The following MTSS1 variants were observed in gnomAD, a reference collection of about 807,000 sequenced individuals.
The protein encoded by MTSS1 is MTSS I-BAR domain containing 1.
Under a neutral mutation model 79.0 loss-of-function variants are expected in MTSS1, and 18 were observed. The observed-to-expected ratio is 0.23, with a 90% CI of 0.16 to 0.34. MTSS1 has a LOEUF of 0.34. Among genes scored for constraint, MTSS1 ranks in the 10% least tolerant of loss-of-function variants. MTSS1 has a pLI of 1.00. For synonymous variants in MTSS1, 341 were observed against 368.6 expected (o/e 0.93, Z 0.86); for missense variants, 815 against 986.2 (o/e 0.83, Z 2.33).
intron 1 of MTSS1, among the ~76,000 whole-genome samples, chr8:124,707,993 G>T (rs931300281): frequency 6.6e-6 from 1 of 152,180 alleles, no homozygotes; most frequent in Admixed American, 6.5e-5. Context: ...TGCCAGTCAT[G>T]GACTAGGGGA....
Position 124,553,745 on chromosome 8 carries a change from ATTC to A in MTSS1, c.1568-56_1568-54del, listed in dbSNP as rs1160517415. 11 of 1,509,644 alleles carry A rather than the reference ATTC, an allele frequency of 7.3e-6. No homozygotes were observed. Among genetic ancestry groups the A allele is most frequent in the African/African-American group, 1.4e-5 (1 of 73,036 alleles). 93.5% of individuals were successfully genotyped at this position (1,509,644 alleles called of 1,614,324 possible). ...TCAAGACAGCAGCTGTGCTTTTTTGATTCTTCTGGGCTGGGAGGACAAAAGGCA... is the reference window on the plus strand; with the variant it reads ...TCAAGACAGCAGCTGTGCTTTTTTGATTCTGGGCTGGGAGGACAAAAGGCA... On this transcript the variant is annotated intron_variant, in intron 13 of 13. Transcript: ENST00000518547. The surrounding 1 kb of genome is among the most constrained non-coding windows in gnomAD (Gnocchi z 6.0).
Position 124,582,546 on chromosome 8 carries a change from G to T in MTSS1, c.460+2541C>A, listed in dbSNP as rs1830219691. The stretch of plus-strand genomic sequence containing the variant: ...TTTGAAAAAGGCATGGCAGGAAGCT[G>T]CTTGAGAATCTCCTGGAAACATATT... On this transcript the variant is annotated intron_variant, in intron 6 of 13. Coordinates refer to ENST00000518547, the MANE Select transcript of MTSS1 (RefSeq NM_014751.6). This position sits in a 1 kb window ranked among gnomAD's most constrained non-coding sequence, Gnocchi z 4.8. Among the ~76,000 whole-genome samples the T allele has an allele frequency of 6.6e-6, 1 of 151,990 alleles. No individual in the cohort carries two copies. The highest frequency in any genetic ancestry group is 1.5e-5 in the Non-Finnish European group (1 of 68,016).
At chr8:124,646,310 T>C (rs1467179733) in intron 3 of MTSS1, among the ~76,000 whole-genome samples, 2 of 152,234 alleles carry the variant, frequency 1.3e-5, no homozygotes, top group East Asian at 1.9e-4. Context: ...CGGGAGAACA[T>C]GTAATAATGA....
chr8:124,555,592 C>T, intron 13 of MTSS1, 150 bp downstream of exon 13: 2 of 1,025,222 alleles, frequency 2.0e-6, no homozygotes, highest in East Asian at 2.6e-5. Flanking sequence ...TACAGATGAG[C>T]TCCCCAAAGC....
rs1357924959 is a variant in MTSS1, at chr8:124,582,843, TTG to T, written c.460+2242_460+2243del. 6.6e-6 allele frequency among the ~76,000 whole-genome samples: 1 copy of T among 152,006 alleles called. No homozygotes were observed. The highest frequency in any genetic ancestry group is 1.5e-5 in the Non-Finnish European group (1 of 67,996). On this transcript the variant is annotated intron_variant, in intron 6 of 13. Coordinates refer to ENST00000518547, the MANE Select transcript of MTSS1 (RefSeq NM_014751.6). This position sits in a 1 kb window ranked among gnomAD's most constrained non-coding sequence, Gnocchi z 4.8. ...AGATTTCTTCCAGCCCTTAAGTGAGTTGTGTTTTCTTCAGTCCATTCTCAGCC... is the reference window on the plus strand; with the variant it reads ...AGATTTCTTCCAGCCCTTAAGTGAGTTGTTTTCTTCAGTCCATTCTCAGCC...
intron 3 of MTSS1, among the ~76,000 whole-genome samples, chr8:124,655,138 G>A (rs569778255): frequency 6.6e-5 from 10 of 152,338 alleles, no homozygotes; most frequent in African/African-American, 2.2e-4. Context: ...TTTGATAACT[G>A]CAGATGCCCT....
chr8:124,594,641 C>G (rs1319702475), intron 3 of MTSS1, among the ~76,000 whole-genome samples: 1 of 152,176 alleles, frequency 6.6e-6, no homozygotes, highest in African/African-American at 2.4e-5. Context: ...GAACAGGAAG[C>G]CCTAGAGAGG....
intron 3 of MTSS1, among the ~76,000 whole-genome samples, chr8:124,624,333 A>T (rs1454839595): frequency 6.6e-6 from 1 of 152,212 alleles, no homozygotes; most frequent in Non-Finnish European, 1.5e-5. Flanking sequence ...TGAGCAGGGA[A>T]GGGACGTTTT....
chr8:124,699,067 T>A (rs1829321739), intron 3 of MTSS1: 1 of 165,536 alleles, frequency 6.0e-6, no homozygotes, highest in African/African-American at 2.4e-5. Context: ...GAGGGACGCA[T>A]AAATAGATAC....
chr8:124,722,401 G>T (rs376703004), intron 1 of MTSS1, among the ~76,000 whole-genome samples: 2 of 152,230 alleles, frequency 1.3e-5, no homozygotes, highest in Non-Finnish European at 1.5e-5. Flanking sequence ...ACTTCCAGGT[G>T]TTGAGACGGG....
chr8:124,601,072 T>C (rs1019128493), intron 3 of MTSS1, among the ~76,000 whole-genome samples: 11 of 147,052 alleles, frequency 7.5e-5, no homozygotes, highest in Non-Finnish European at 1.5e-4. Context: ...ATTTTTTTTT[T>C]TTTTTTTTTT....
chr8:124,710,517 C>T (rs944120764), intron 1 of MTSS1, among the ~76,000 whole-genome samples: 4 of 152,220 alleles, frequency 2.6e-5, no homozygotes, highest in Admixed American at 2.0e-4. Context: ...TCTTCCTCCT[C>T]TTCCTCCACT....
intron 11 of MTSS1, 85 bp downstream of exon 11, chr8:124,557,596 G>A (rs1005773685): frequency 2.3e-6 from 3 of 1,301,690 alleles, no homozygotes; most frequent in Non-Finnish European, 3.2e-6. Context: ...GGGATGAGGG[G>A]ATAGTCGGGG....
intron 3 of MTSS1, among the ~76,000 whole-genome samples, chr8:124,614,964 G>A (rs1001700606): frequency 3.9e-5 from 6 of 152,242 alleles, no homozygotes; most frequent in African/African-American, 1.4e-4. Flanking sequence ...AATGTGATAG[G>A]AGGAGATCAA....
intron 1 of MTSS1, among the ~76,000 whole-genome samples, chr8:124,718,010 C>T (rs1055212512): frequency 2.6e-5 from 4 of 152,174 alleles, no homozygotes; most frequent in African/African-American, 9.6e-5. Flanking sequence ...ACTACACACA[C>T]GGAAAGGCAA....
intron 6 of MTSS1, chr8:124,580,776 A>G (rs928427279): frequency 2.0e-6 from 1 of 500,170 alleles, no homozygotes; most frequent in Admixed American, 3.1e-5. Context: ...CTTCCTTCTC[A>G]TCTAAACAAA....
At chr8:124,722,416 G>GC (rs1564060973) in intron 1 of MTSS1, among the ~76,000 whole-genome samples, 1 of 152,204 alleles carries the variant, frequency 6.6e-6, no homozygotes, top group African/African-American at 2.4e-5. Flanking sequence ...GACGGGGACT[G>GC]CTCTGGAGTG....
chr8:124,704,037 A>G (rs1291798086), intron 2 of MTSS1, 93 bp downstream of exon 2: 1 of 1,144,752 alleles, frequency 8.7e-7, no homozygotes, highest in African/African-American at 1.5e-5. Flanking sequence ...CACTTCCTGA[A>G]TCAACCCTAA....
chr8:124,563,064 A>G, intron 9 of MTSS1, 72 bp from the exon 10 acceptor site: 5 of 1,333,874 alleles, frequency 3.7e-6, no homozygotes, highest in Non-Finnish European at 4.2e-6. Context: ...AAGAGGAAGG[A>G]GGAAGGAGGG....
Sources: allele counts gnomAD v4.1 joint callset (sites outside exome capture counted in the v4.1 genomes callset), GRCh38; gene constraint gnomAD v4.1.1; non-coding constraint Gnocchi (gnomAD v3.1); transcripts MANE v1.5; gene names NCBI Gene and HGNC (gene_info 2026-07-23, HGNC 2026-07-21).